Variants in SIPA1L3 observed in about 807,000 individuals in gnomAD.
SIPA1L3 encodes the protein signal-induced proliferation-associated 1-like protein 3.
A neutral mutation model predicts 150.1 loss-of-function variants in SIPA1L3; 59 were observed. The ratio of observed to expected loss-of-function variants is 0.39; its 90% confidence interval spans 0.32 to 0.49. The LOEUF (loss-of-function observed/expected upper bound fraction) is 0.49, where lower values mean the gene tolerates loss of function less well. SIPA1L3 is among the 20% of genes least tolerant of loss of function. The pLI, the probability that SIPA1L3 is intolerant of heterozygous loss-of-function variation, is 0.86. For missense variants in SIPA1L3, 2,211 were observed against 2,489.5 expected, an observed-to-expected ratio of 0.89 and a Z score of 2.38; for synonymous variants, 1,070 against 1,077.6, an observed-to-expected ratio of 0.99 and a Z score of 0.14.
chr19:38,071,664 C>T (rs1056140043), intron 2 of SIPA1L3, among the ~76,000 whole-genome samples: 1 of 152,152 alleles, frequency 6.6e-6, no homozygotes, highest in Non-Finnish European at 1.5e-5. Context: ...GTGGTTCAAC[C>T]CTGTCTCCTT....
intron 9 of SIPA1L3, among the ~76,000 whole-genome samples, chr19:38,124,136 C>A (rs1390656981): frequency 6.7e-6 from 1 of 149,564 alleles, no homozygotes; most frequent in Non-Finnish European, 1.5e-5. Context: ...GGGGTGGCTG[C>A]CGGGCGGAGA....
intron 1 of SIPA1L3, among the ~76,000 whole-genome samples, chr19:37,945,745 C>T (rs2046705183): frequency 6.6e-6 from 1 of 152,182 alleles, no homozygotes; most frequent in Admixed American, 6.6e-5. Flanking sequence ...TGGCTGTTCC[C>T]ATCTTTCATT....
At chr19:38,189,217 C>T (rs1473047824) in intron 16 of SIPA1L3, among the ~76,000 whole-genome samples, 1 of 151,562 alleles carries the variant, frequency 6.6e-6, no homozygotes, top group East Asian at 2.0e-4. Flanking sequence ...TCACTGCAGC[C>T]TCAACCTCCC....
At chr19:37,952,781 GC>G (rs1306063582) in intron 1 of SIPA1L3, among the ~76,000 whole-genome samples, 4 of 152,224 alleles carry the variant, frequency 2.6e-5, no homozygotes, top group Non-Finnish European at 5.9e-5. Context: ...GCGGTTCTTA[GC>G]TTTATGTGAT....
intron 2 of SIPA1L3, among the ~76,000 whole-genome samples, chr19:38,036,785 T>C (rs1968802060): frequency 6.6e-6 from 1 of 152,178 alleles, no homozygotes; most frequent in African/African-American, 2.4e-5. Context: ...GGCTTAACCT[T>C]GTACCTCAGG....
intron 9 of SIPA1L3, among the ~76,000 whole-genome samples, chr19:38,128,488 G>A (rs1971228710): frequency 6.6e-6 from 1 of 152,216 alleles, no homozygotes; most frequent in Admixed American, 6.5e-5. Flanking sequence ...GATTTGAATT[G>A]CAAGGAATAT....
chr19:38,120,571 G>A (rs1970992981), intron 9 of SIPA1L3, among the ~76,000 whole-genome samples: 1 of 152,124 alleles, frequency 6.6e-6, no homozygotes, highest in Non-Finnish European at 1.5e-5. Flanking sequence ...AGAGGTGAGA[G>A]GAGGAAAAAA....
chr19:38,071,883 G>T (rs1286505530), intron 2 of SIPA1L3, among the ~76,000 whole-genome samples: 1 of 152,218 alleles, frequency 6.6e-6, no homozygotes, highest in Admixed American at 6.5e-5. Context: ...AACACATTTT[G>T]TGGATGGGGA....
intron 1 of SIPA1L3, among the ~76,000 whole-genome samples, chr19:37,916,670 T>C (rs1021399677): frequency 6.6e-6 from 1 of 151,850 alleles, no homozygotes; most frequent in African/African-American, 2.4e-5. Context: ...GTTAGAAATA[T>C]AACGTGGGGC....
At chr19:37,975,578 A>G (rs1204892218) in intron 1 of SIPA1L3, among the ~76,000 whole-genome samples, 1 of 152,186 alleles carries the variant, frequency 6.6e-6, no homozygotes, top group Non-Finnish European at 1.5e-5. Flanking sequence ...TAAATGAGTT[A>G]CTATATGTAA....
In SIPA1L3 at chr19:38,192,314, C is replaced by T. The variant is rs1162638676; in HGVS notation, c.4596+4C>T. The T allele has an allele frequency of 8.2e-6, 13 of 1,593,938 alleles. No individual in the cohort carries two copies. Among genetic ancestry groups the T allele is most frequent in the African/African-American group, 1.4e-5 (1 of 73,636 alleles). On this transcript the variant is annotated splice_donor_region_variant and intron_variant, in intron 17 of 21. Coordinates refer to ENST00000222345, the MANE Select transcript of SIPA1L3 (RefSeq NM_015073.3). ...AGAGCAGGAGAGAGACACGGGAGTA[C>T]GTAGGGCCCTGTCCCCCGCTCCCGA...
chr19:38,124,701 G>A (rs1320620578), intron 9 of SIPA1L3, among the ~76,000 whole-genome samples: 4 of 152,228 alleles, frequency 2.6e-5, no homozygotes, highest in African/African-American at 9.6e-5. Context: ...CTGCACTCCA[G>A]CCTGGGCACC....
At chr19:37,907,429 A>G (rs1394922750) in intron 1 of SIPA1L3, 71 bp downstream of exon 1, 1 of 152,076 alleles carries the variant, frequency 6.6e-6, no homozygotes, top group Non-Finnish European at 1.5e-5. Context: ...CCGGACCCCG[A>G]GGGTCAGCGC....
chr19:38,191,628 C>A (rs147384573), intron 16 of SIPA1L3, among the ~76,000 whole-genome samples: 1 of 152,064 alleles, frequency 6.6e-6, no homozygotes, highest in Middle Eastern at 3.4e-3. Flanking sequence ...GCCTGGCCAA[C>A]ATGGAGAAAC....
chr19:38,187,754 A>G (rs1212452848), intron 16 of SIPA1L3, among the ~76,000 whole-genome samples: 2 of 150,576 alleles, frequency 1.3e-5, no homozygotes, highest in African/African-American at 4.9e-5. Context: ...AGGAAAAAAA[A>G]ACTTTTTTCA....
rs552481023 is a variant in SIPA1L3 at position 38,099,900 on chromosome 19, A to G, written c.1666-62A>G. 16 of 1,336,278 alleles carry G rather than the reference A, an allele frequency of 1.2e-5. No individual in the cohort carries two copies. In the African/African-American group the frequency reaches 1.2e-4, roughly 10 times the overall value. 82.8% of individuals were successfully genotyped at this position (1,336,278 alleles called of 1,614,324 possible). A position where few individuals can be genotyped will look rare whatever the true frequency, so the allele number is the denominator to read the frequency against. ...TCTTTCAAAACAAGATACCTCTGCTATGCTCTTATCCCTTTTTAGGTCTCG... is the reference window on the plus strand; with the variant it reads ...TCTTTCAAAACAAGATACCTCTGCTGTGCTCTTATCCCTTTTTAGGTCTCG... On this transcript the variant is annotated intron_variant, in intron 4 of 21. Transcript: ENST00000222345.
intron 1 of SIPA1L3, among the ~76,000 whole-genome samples, chr19:38,018,307 G>A (rs1022137738): frequency 6.6e-6 from 1 of 151,804 alleles, no homozygotes; most frequent in African/African-American, 2.4e-5. Context: ...GGGATCACAA[G>A]CGCGCACCAT....
At chr19:38,151,953 C>A (rs1027196814) in intron 12 of SIPA1L3, among the ~76,000 whole-genome samples, 1 of 131,560 alleles carries the variant, frequency 7.6e-6, no homozygotes, top group Non-Finnish European at 1.7e-5. Context: ...CAGAGCAAGA[C>A]CCCATCTCAA....
At position 38,142,571 on chromosome 19, in the gene SIPA1L3, A is replaced by G; in HGVS notation, c.3396-2A>G. ...CCTCCTTCCTCCCCTGTCTCCTTCT[A>G]GGCCTGTCAGCTTCCCAGAAACCCC... On this transcript the variant is annotated splice_acceptor_variant, in intron 11 of 21. Coordinates refer to ENST00000222345, the MANE Select transcript of SIPA1L3 (RefSeq NM_015073.3). LOFTEE classifies it high-confidence loss of function. 3 of 1,605,710 alleles carry G rather than the reference A, an allele frequency of 1.9e-6. No individual in the cohort carries two copies. The highest frequency in any genetic ancestry group is 2.6e-6 in the Non-Finnish European group (3 of 1,174,294).
Sources: gnomAD v4.1 joint callset for allele counts (sites outside exome capture counted in the v4.1 genomes callset) on GRCh38, gnomAD v4.1.1 for gene constraint, MANE v1.5 for transcripts, NCBI Gene and HGNC (gene_info 2026-07-23, HGNC 2026-07-21) for gene names.